Variants in DELE1 observed in about 807,000 individuals in gnomAD.
DELE1 encodes the protein death ligand signal enhancer.
DELE1 carries 54 observed loss-of-function variants against 59.3 expected under a neutral mutation model. The observed-to-expected ratio is 0.91, with a 90% CI of 0.73 to 1.14. The LOEUF (loss-of-function observed/expected upper bound fraction) is 1.14, where lower values mean the gene tolerates loss of function less well. Among genes scored for constraint, DELE1 ranks in the 50% most tolerant of loss-of-function variants. The probability of loss-of-function intolerance (pLI) is 0.00; values close to 1 mark genes in which losing one functional copy is unlikely to be tolerated. For synonymous variants in DELE1, 264 were observed against 259.1 expected, an observed-to-expected ratio of 1.02 and a Z score of -0.18; for missense variants, 636 against 643.9, an observed-to-expected ratio of 0.99 and a Z score of 0.13.
intron 2 of DELE1, 134 bp downstream of exon 2, chr5:141,924,829 C>G: frequency 1.6e-6 from 1 of 611,428 alleles, no homozygotes; most frequent in Non-Finnish European, 2.9e-6. Flanking sequence ...AATCTCAGCT[C>G]ACTGCAACCT....
At position 141,941,624 on chromosome 5, in the gene DELE1, T is replaced by A; in HGVS notation, c.*2865T>A. The A allele has an allele frequency of 1.0e-6, 1 of 985,426 alleles. No homozygotes were observed. The highest frequency in any genetic ancestry group is 1.2e-6 in the Non-Finnish European group (1 of 829,964). The allele number at this position is 985,426 out of a possible 1,614,324, so 61.0% of individuals were successfully genotyped here. ...GCCAGCCTGGGTCAGGATGCTGGGTTAAAGCCCGGCGCCCTCACCAATGAG... is the reference window on the plus strand; with the variant it reads ...GCCAGCCTGGGTCAGGATGCTGGGTAAAAGCCCGGCGCCCTCACCAATGAG... On this transcript the variant is annotated 3_prime_UTR_variant, in exon 12 of 12. Transcript: ENST00000432126.
chr5:141,935,262 G>C (rs1290485853), intron 10 of DELE1, among the ~76,000 whole-genome samples: 2 of 152,178 alleles, frequency 1.3e-5, no homozygotes, highest in Non-Finnish European at 2.9e-5. Flanking sequence ...TGGGATGCTT[G>C]TAAGTCATAA....
In DELE1 at chr5:141,931,516, G is replaced by A. The variant is rs112081961; in HGVS notation, c.754+1242G>A. Among the ~76,000 whole-genome samples, 1,356 of 152,298 alleles carry A rather than the reference G, an allele frequency of 8.9e-3. 24 individuals are homozygous for A. Among genetic ancestry groups the A allele is most frequent in the African/African-American group, 0.031 (1,301 of 41,564 alleles). ...GCTGCCATGTAGACAGACATGGATT[G>A]TAGGATTGCCGGGGGGAAAAAGGAG... On this transcript the variant is annotated intron_variant, in intron 7 of 11. Transcript: ENST00000432126.
At position 141,928,353 on chromosome 5, in the gene DELE1, G is replaced by A. The variant is rs61402512; in HGVS notation, c.412+55G>A. 0.011 allele frequency: 17,516 copies of A among 1,577,122 alleles called. 1,677 individuals are homozygous for A. In the African/African-American group the frequency reaches 0.21, roughly 19 times the overall value. ...CTGGGCTGGGCGTTTCTCTGGGCCA[G>A]GAAGCGTCTCTGGACACACCTCAGG... On this transcript the variant is annotated intron_variant, in intron 4 of 11. Transcript: ENST00000432126.
chr5:141,930,330 G>A (rs1751803544), intron 7 of DELE1, 56 bp downstream of exon 7: 6 of 1,267,932 alleles, frequency 4.7e-6, no homozygotes, highest in Non-Finnish European at 6.9e-6. Flanking sequence ...AAAGGGTATG[G>A]GGTAGCTCAG....
In DELE1 at chr5:141,930,074, G is replaced by A. The variant is rs1214266922; in HGVS notation, c.657G>A (p.Lys219=). 1 of 1,614,096 alleles carries A rather than the reference G, an allele frequency of 6.2e-7. No individual in the cohort carries two copies. Among genetic ancestry groups the A allele is most frequent in the Admixed American group, 1.7e-5 (1 of 60,016 alleles). The change falls in exon 6 of 12, where the codon AAG becomes AAA. Residue 219 remains lysine (K), a splice_region_variant and synonymous_variant. Transcript: ENST00000432126. ...KPAQPQPTGE[K]EQDKSKTLSL... is the part of the protein sequence containing the mutation. Reference sequence around the variant, plus strand: ...CCCAGCCTCAGCCCACTGGTGAAAAGGTATTATCCAGATTTGGCCACCTGG... The same window carrying A: ...CCCAGCCTCAGCCCACTGGTGAAAAAGTATTATCCAGATTTGGCCACCTGG...
chr5:141,935,730 C>CTG (rs59555933), intron 10 of DELE1, among the ~76,000 whole-genome samples: 11,771 of 152,244 alleles, frequency 0.077, 1,510 homozygotes, highest in African/African-American at 0.27. Flanking sequence ...CAGGGCAAGA[C>CTG]TGGGCATGCT....
At chr5:141,937,053 C>T (rs1186155699) in intron 10 of DELE1, 145 bp from the exon 11 acceptor site, 2 of 1,507,596 alleles carry the variant, frequency 1.3e-6, no homozygotes, top group African/African-American at 2.8e-5. Flanking sequence ...GTTGAGATCC[C>T]TTGCTATGGG....
At chr5:141,925,289 C>T (rs1204795721) in intron 2 of DELE1, 121 bp from the exon 3 acceptor site, 1 of 544,784 alleles carries the variant, frequency 1.8e-6, no homozygotes, top group African/African-American at 2.0e-5. Flanking sequence ...TCTTGAACTC[C>T]TGACCTCGTG....
At chr5:141,937,641 G>A (rs55996212) in intron 11 of DELE1, among the ~76,000 whole-genome samples, 10,415 of 150,602 alleles carry the variant, frequency 0.069, 396 homozygotes, top group Middle Eastern at 0.13. Flanking sequence ...GGCGTGGTGC[G>A]GACCCTGTGG....
rs573454062 is a variant in DELE1 at position 141,929,528 on chromosome 5, G to A, written c.413-54G>A. On this transcript the variant is annotated intron_variant, in intron 4 of 11. Transcript: ENST00000432126. ...GCCTCCCAAGGTGCTGTGATTATAG[G>A]TGTGAGCCATCGCGCCTGGCCCAGA... The A allele has an allele frequency of 3.3e-5, 52 of 1,586,652 alleles. 1 individual carries two copies. The South Asian group carries it at 5.6e-4, about 17-fold the overall frequency.
rs1348987137 is a variant in DELE1, at chr5:141,938,780, C to T, written c.*21C>T. The T allele has an allele frequency of 1.9e-6, 3 of 1,594,348 alleles. No homozygotes were observed. Among genetic ancestry groups the T allele is most frequent in the Admixed American group, 1.7e-5 (1 of 59,224 alleles). Reference sequence around the variant, plus strand: ...GCTAAGGTGAGATAAAACATAGTCCCTGGTGCCTCTTAGGGGCCAGAGCGG... The same window carrying T: ...GCTAAGGTGAGATAAAACATAGTCCTTGGTGCCTCTTAGGGGCCAGAGCGG... On this transcript the variant is annotated 3_prime_UTR_variant, in exon 12 of 12. Transcript: ENST00000432126.
Position 141,938,636 on chromosome 5 carries a change from A to G in DELE1, c.1425A>G (p.Thr475=), listed in dbSNP as rs996595896. 2.6e-5 allele frequency: 42 copies of G among 1,613,978 alleles called. No homozygotes were observed. The highest frequency in any genetic ancestry group is 3.5e-5 in the Non-Finnish European group (41 of 1,180,030). The change falls in exon 12 of 12, where the codon ACA becomes ACG. Residue 475 remains threonine, a synonymous_variant. Transcript: ENST00000432126. ...GTSRLPHASS[T]GNLGLLCRSG... ...CACGCCTACCACATGCCTCGAGCAC[A>G]GGCAACCTTGGCCTCCTCTGCAGAA...
chr5:141,934,038 A>G (rs534946032), intron 8 of DELE1, among the ~76,000 whole-genome samples: 4 of 152,188 alleles, frequency 2.6e-5, no homozygotes, highest in Non-Finnish European at 4.4e-5. Flanking sequence ...TTAAGCAAGA[A>G]TGATCTTTAG....
intron 3 of DELE1, among the ~76,000 whole-genome samples, chr5:141,926,089 A>G (rs975345943): frequency 5.9e-5 from 9 of 152,118 alleles, no homozygotes; most frequent in African/African-American, 1.9e-4. Context: ...CATTTTGGCC[A>G]GGATGGTCTC....
Position 141,928,220 on chromosome 5 carries a change from C to G in DELE1, c.334C>G (p.Pro112Ala), listed in dbSNP as rs1257528702. 6.2e-7 allele frequency: 1 copy of G among 1,614,132 alleles called. No homozygotes were observed. The highest frequency in any genetic ancestry group is 8.5e-7 in the Non-Finnish European group (1 of 1,180,050). Reference protein sequence around the residue: ...IHFQASLPAGPQRVEHCSWHS... With the variant: ...IHFQASLPAGAQRVEHCSWHS... The stretch of plus-strand genomic sequence containing the variant: ...CTTCCAGGCATCCCTGCCAGCAGGA[C>G]CTCAGCGGGTAGAACACTGCTCCTG... The change falls in exon 4 of 12, where the codon CCT (proline) becomes GCT (alanine). Residue 112 changes from proline to alanine, a missense_variant. Transcript: ENST00000432126.
In DELE1 at chr5:141,939,896, A is replaced by G. The variant is rs1185756407; in HGVS notation, c.*1137A>G. On this transcript the variant is annotated 3_prime_UTR_variant, in exon 12 of 12. Coordinates refer to ENST00000432126, the MANE Select transcript of DELE1 (RefSeq NM_014773.5). ...TTTGGCCCAGGAGGCAGTGATGCTC[A>G]TGGTTGCATGACTTTATGAGTCGCT... 2 of 648,390 alleles carry G rather than the reference A, an allele frequency of 3.1e-6. No individual in the cohort carries two copies. Among genetic ancestry groups the G allele is most frequent in the East Asian group, 2.8e-4 (2 of 7,190 alleles). The allele number at this position is 648,390 out of a possible 1,614,324, so 40.2% of individuals were successfully genotyped here. A position where few individuals can be genotyped will look rare whatever the true frequency, so the allele number is the denominator to read the frequency against.
chr5:141,930,088 T>G lies in DELE1; in HGVS notation c.657+14T>G. 6.2e-7 allele frequency: 1 copy of G among 1,613,286 alleles called. No individual in the cohort carries two copies. The highest frequency in any genetic ancestry group is 8.5e-7 in the Non-Finnish European group (1 of 1,179,286). ...ACTGGTGAAAAGGTATTATCCAGAT[T>G]TGGCCACCTGGATCCCCATAACATT... On this transcript the variant is annotated intron_variant, in intron 6 of 11. Coordinates refer to ENST00000432126, the MANE Select transcript of DELE1 (RefSeq NM_014773.5).
At chr5:141,935,163 TTGGGGTGGGTGGGGATG>T in intron 10 of DELE1, among the ~76,000 whole-genome samples, 1 of 152,060 alleles carries the variant, frequency 6.6e-6, no homozygotes, top group East Asian at 1.9e-4. Context: ...ACTGCTCAGT[TTGGGGTGGGTGGGGATG>T]TCTGGTTGTC....
Sources: allele counts gnomAD v4.1 joint callset (sites outside exome capture counted in the v4.1 genomes callset), GRCh38; gene constraint gnomAD v4.1.1; transcripts MANE v1.5; gene names NCBI Gene and HGNC (gene_info 2026-07-23, HGNC 2026-07-21).